The following DAP variants were observed in gnomAD, a reference collection of about 807,000 sequenced individuals.
The protein encoded by DAP is death associated protein.
DAP carries 8 observed loss-of-function variants against 13.8 expected under a neutral mutation model. The observed-to-expected ratio is 0.58, with a 90% confidence interval of 0.34 to 1.05. DAP has a LOEUF of 1.05. Among genes scored for constraint, DAP ranks in the 50% least tolerant of loss-of-function variants. The probability of loss-of-function intolerance (pLI) is 0.03; values close to 1 mark genes in which losing one functional copy is unlikely to be tolerated. For synonymous variants in DAP, 47 were observed against 47.5 expected (o/e 0.99, Z 0.04); for missense variants, 106 against 133.2 (o/e 0.80, Z 1.01).
intron 1 of DAP, among the ~76,000 whole-genome samples, chr5:10,758,953 G>A (rs1223068553): frequency 6.6e-6 from 1 of 152,226 alleles, no homozygotes; most frequent in Non-Finnish European, 1.5e-5. Context: ...TTGGAAGGCT[G>A]AGGTGGGTGG....
intron 1 of DAP, 144 bp from the exon 2 acceptor site, chr5:10,748,415 G>A: frequency 3.0e-6 from 2 of 659,042 alleles, no homozygotes; most frequent in Non-Finnish European, 5.5e-6. Flanking sequence ...ACTAGGGAAG[G>A]TCAGGGTTGT....
rs183687515 is a variant in DAP, at chr5:10,739,272, A to G, written c.152+8903T>C. Among the ~76,000 whole-genome samples the G allele has an allele frequency of 3.7e-3, 549 of 150,106 alleles. 3 individuals are homozygous for G. Among genetic ancestry groups the G allele is most frequent in the African/African-American group, 0.012 (501 of 40,972 alleles). ...GCAGCAAGTGTGGTGAAATTTTACC[A>G]TATGAGGAATATGGTGAGGGGTAGA... On this transcript the variant is annotated intron_variant, in intron 2 of 3. Transcript: ENST00000230895.
At chr5:10,722,530 G>T (rs1274815782) in intron 2 of DAP, among the ~76,000 whole-genome samples, 1 of 146,818 alleles carries the variant, frequency 6.8e-6, no homozygotes, top group Non-Finnish European at 1.5e-5. Flanking sequence ...ACATATACAT[G>T]CATATATATA....
intron 2 of DAP, among the ~76,000 whole-genome samples, chr5:10,718,996 G>C (rs1167005898): frequency 1.3e-5 from 2 of 152,206 alleles, no homozygotes; most frequent in Non-Finnish European, 2.9e-5. Context: ...AAACATATTG[G>C]ACTTACTGGT....
intron 1 of DAP, among the ~76,000 whole-genome samples, chr5:10,758,910 AC>A (rs1290795480): frequency 6.6e-6 from 1 of 152,174 alleles, no homozygotes; most frequent in Non-Finnish European, 1.5e-5. Flanking sequence ...TACAGTTTAT[AC>A]CTCTGACCTT....
Position 10,680,915 on chromosome 5 carries a change from T to C in DAP, c.*141A>G. ...GTTTCTAGTTTTAAATATGGAAATG[T>C]AAGGCAAAGGACAGAGCACTTGGTT... On this transcript the variant is annotated 3_prime_UTR_variant, in exon 4 of 4. Coordinates refer to ENST00000230895, the MANE Select transcript of DAP (RefSeq NM_004394.3). 6.5e-7 allele frequency: 1 copy of C among 1,537,924 alleles called. No individual in the cohort carries two copies. Among genetic ancestry groups the C allele is most frequent in the Non-Finnish European group, 8.7e-7 (1 of 1,146,966 alleles).
In DAP at chr5:10,680,376, T is replaced by G; in HGVS notation, c.*680A>C. The G allele has an allele frequency of 3.5e-6, 1 of 288,022 alleles. No homozygotes were observed. The highest frequency in any genetic ancestry group is 6.5e-6 in the Non-Finnish European group (1 of 152,848). 17.8% of individuals were successfully genotyped at this position (288,022 alleles called of 1,614,324 possible). On this transcript the variant is annotated 3_prime_UTR_variant, in exon 4 of 4. Coordinates refer to ENST00000230895, the MANE Select transcript of DAP (RefSeq NM_004394.3). The stretch of plus-strand genomic sequence containing the variant: ...GGCTGAGGCGATGCTGGGCTTGCCG[T>G]GCCGAGATCTCATGCCAGAAGTCCT...
At chr5:10,749,743 C>CTTTTT (rs34643253) in intron 1 of DAP, among the ~76,000 whole-genome samples, 1 of 118,634 alleles carries the variant, frequency 8.4e-6, no homozygotes, top group Non-Finnish European at 1.7e-5. Context: ...GACCACACAA[C>CTTTTT]TTTTTTTTTT....
intron 2 of DAP, among the ~76,000 whole-genome samples, chr5:10,720,383 A>G (rs1314435639): frequency 6.6e-6 from 1 of 152,170 alleles, no homozygotes; most frequent in Non-Finnish European, 1.5e-5. Context: ...TTGGTGACAA[A>G]GAAATTTGGG....
Position 10,749,351 on chromosome 5 carries a change from G to T in DAP, c.56-1080C>A, listed in dbSNP as rs2111386894. On this transcript the variant is annotated intron_variant, in intron 1 of 3. Transcript: ENST00000230895. ...AGAAATGGAACTGCCAGGCCACATGGTGCCTCTGAATTTATCCTTCTGAAA... is the reference window on the plus strand; with the variant it reads ...AGAAATGGAACTGCCAGGCCACATGTTGCCTCTGAATTTATCCTTCTGAAA... Among the ~76,000 whole-genome samples, 2 of 152,002 alleles carry T rather than the reference G, an allele frequency of 1.3e-5. 1 individual carries two copies. The highest frequency in any genetic ancestry group is 4.2e-4 in the South Asian group (2 of 4,796).
chr5:10,744,297 AC>A (rs1483746158), intron 2 of DAP, among the ~76,000 whole-genome samples: 1 of 152,206 alleles, frequency 6.6e-6, no homozygotes, highest in Non-Finnish European at 1.5e-5. Context: ...AGAATATAAA[AC>A]TTTAGGATCA....
chr5:10,703,902 G>A (rs748637294), intron 2 of DAP, among the ~76,000 whole-genome samples: 2 of 152,254 alleles, frequency 1.3e-5, no homozygotes, highest in Non-Finnish European at 2.9e-5. Context: ...GCACTGGCTT[G>A]TCTCTATGGC....
chr5:10,751,888 A>G (rs1332330871), intron 1 of DAP, among the ~76,000 whole-genome samples: 3 of 152,200 alleles, frequency 2.0e-5, no homozygotes, highest in Admixed American at 1.3e-4. Context: ...GGAGAAATAA[A>G]TGTCTATGGT....
chr5:10,720,607 G>A (rs1171496562), intron 2 of DAP, among the ~76,000 whole-genome samples: 2 of 152,236 alleles, frequency 1.3e-5, no homozygotes, highest in African/African-American at 4.8e-5. Flanking sequence ...TGGTGGCAGG[G>A]ATGGAGGTTA....
intron 2 of DAP, among the ~76,000 whole-genome samples, chr5:10,719,583 T>C (rs1445401209): frequency 1.3e-5 from 2 of 152,250 alleles, no homozygotes; most frequent in Admixed American, 6.5e-5. Context: ...GAAGTCACCA[T>C]GTGACCTGAA....
At chr5:10,709,815 T>C (rs978579287) in intron 2 of DAP, among the ~76,000 whole-genome samples, 1 of 152,212 alleles carries the variant, frequency 6.6e-6, no homozygotes, top group Non-Finnish European at 1.5e-5. Flanking sequence ...TCCCAGGGAA[T>C]ACCCCCAAAG....
At chr5:10,699,682 C>T (rs1295021524) in intron 2 of DAP, among the ~76,000 whole-genome samples, 1 of 152,200 alleles carries the variant, frequency 6.6e-6, no homozygotes, top group East Asian at 1.9e-4. Flanking sequence ...TGAGGACATG[C>T]AGGGAACCAC....
intron 2 of DAP, among the ~76,000 whole-genome samples, chr5:10,723,636 G>C (rs1283869810): frequency 6.6e-6 from 1 of 152,216 alleles, no homozygotes; most frequent in African/African-American, 2.4e-5. Flanking sequence ...AAAGAAAAAG[G>C]CAGCATGTTA....
chr5:10,750,484 C>A (rs1248119894), intron 1 of DAP, among the ~76,000 whole-genome samples: 1 of 152,192 alleles, frequency 6.6e-6, no homozygotes, highest in African/African-American at 2.4e-5. Flanking sequence ...GCCCGCACCT[C>A]TTCTCAACGG....
Sources: gnomAD v4.1 joint callset for allele counts (sites outside exome capture counted in the v4.1 genomes callset) on GRCh38, gnomAD v4.1.1 for gene constraint, MANE v1.5 for transcripts, NCBI Gene and HGNC (gene_info 2026-07-23, HGNC 2026-07-21) for gene names.